PTPRH: variants seen among roughly 807,000 people sequenced by gnomAD.
PTPRH encodes protein tyrosine phosphatase receptor type H, also known as receptor-type tyrosine-protein phosphatase H.
A neutral mutation model predicts 130.2 loss-of-function variants in PTPRH; 113 were observed. The observed-to-expected ratio is 0.87, with a 90% CI of 0.75 to 1.01. The LOEUF (loss-of-function observed/expected upper bound fraction) is 1.01, where lower values mean the gene tolerates loss of function less well. Among genes scored for constraint, PTPRH ranks in the 50% least tolerant of loss-of-function variants. The pLI, the probability that PTPRH is intolerant of heterozygous loss-of-function variation, is 0.00. For synonymous variants in PTPRH, 556 were observed against 577.9 expected (o/e 0.96, Z 0.54); for missense variants, 1,430 against 1,425.0 (o/e 1.00, Z -0.06).
intron 14 of PTPRH, among the ~76,000 whole-genome samples, 192 bp downstream of exon 14, chr19:55,187,321 G>A (rs1304935405): frequency 1.5e-5 from 2 of 129,380 alleles, no homozygotes; most frequent in Non-Finnish European, 3.1e-5. Context: ...CTCCAGCCTG[G>A]GTGACAGAGC....
At chr19:55,186,398 T>C (rs77296713) in intron 15 of PTPRH, 39 bp from the exon 16 acceptor site, 5 of 1,612,164 alleles carry the variant, frequency 3.1e-6, no homozygotes, top group Non-Finnish European at 4.2e-6. Flanking sequence ...GGGCCTTTAG[T>C]TGATCCCCGA....
At chr19:55,186,440 T>G (rs1185738135) in intron 15 of PTPRH, 24 bp downstream of exon 15, 1 of 1,613,942 alleles carries the variant, frequency 6.2e-7, no homozygotes, top group Non-Finnish European at 8.5e-7. Flanking sequence ...CTGGGCACCC[T>G]TTCAATCCCA....
chr19:55,201,686 G>A (rs951076233), intron 6 of PTPRH, among the ~76,000 whole-genome samples: 2 of 152,232 alleles, frequency 1.3e-5, no homozygotes, highest in African/African-American at 4.8e-5. Context: ...CTCAATATGT[G>A]ACACAGTTGG....
intron 10 of PTPRH, among the ~76,000 whole-genome samples, chr19:55,195,778 C>T (rs1034146680): frequency 2.0e-5 from 3 of 152,050 alleles, no homozygotes; most frequent in Admixed American, 6.6e-5. Context: ...ACTCTGTTGC[C>T]CAGACTGGTC....
At position 55,191,901 on chromosome 19, in the gene PTPRH, C is replaced by A. The variant is rs749767917; in HGVS notation, c.2258-160G>T. 1.5e-5 allele frequency: 11 copies of A among 721,398 alleles called. No individual in the cohort carries two copies. The East Asian group carries it at 2.7e-4, about 18-fold the overall frequency. 44.7% of individuals were successfully genotyped at this position (721,398 alleles called of 1,614,324 possible). Reference sequence around the variant, plus strand: ...AATTGCGTCGGTCCAGTTATACTTACGCGCTTACCCATGGATTTTCCTCCA... The same window carrying A: ...AATTGCGTCGGTCCAGTTATACTTAAGCGCTTACCCATGGATTTTCCTCCA... On this transcript the variant is annotated intron_variant, in intron 10 of 19. Transcript: ENST00000376350.
intron 10 of PTPRH, chr19:55,193,871 G>A (rs998419558): frequency 1.1e-5 from 2 of 179,074 alleles, no homozygotes; most frequent in South Asian, 9.6e-5. Flanking sequence ...TTTTTGAGAC[G>A]GAGTTTTGCT....
Position 55,186,559 on chromosome 19 carries a change from A to G in PTPRH, c.2567-19T>C, listed in dbSNP as rs1472507276. On this transcript the variant is annotated intron_variant, in intron 14 of 19. Coordinates refer to ENST00000376350, the MANE Select transcript of PTPRH (RefSeq NM_002842.5). ...CAGTCATCTAGGAGAAGAGGCCAGC[A>G]TTAGCCAGGCAGAGAGACCCAGAGA... 3.7e-6 allele frequency: 6 copies of G among 1,613,606 alleles called. No individual in the cohort carries two copies. Among genetic ancestry groups the G allele is most frequent in the African/African-American group, 1.3e-5 (1 of 74,954 alleles).
In PTPRH at chr19:55,196,651, A is replaced by G. The variant is rs146115875; in HGVS notation, c.2128T>C (p.Ser710Pro). 2.5e-6 allele frequency: 4 copies of G among 1,613,744 alleles called. No individual in the cohort carries two copies. In the African/African-American group the frequency reaches 5.3e-5, roughly 22 times the overall value. Residue 710 changes from serine to proline, a missense_variant, in exon 10 of 20, where the codon TCT becomes CCT. Coordinates refer to ENST00000376350, the MANE Select transcript of PTPRH (RefSeq NM_002842.5). ...ACAGACACAGCCTCCCCACATGAAG[A>G]TCTGTCCTGGGAGCCCCGCTGTCCT... ...VGGQRGSQDR[S>P]SCGEAVSVLG...
intron 18 of PTPRH, among the ~76,000 whole-genome samples, chr19:55,184,221 T>C (rs1194074939): frequency 1.3e-5 from 2 of 151,566 alleles, no homozygotes; most frequent in African/African-American, 4.8e-5. Flanking sequence ...GAGGCAGAGG[T>C]TGCAGTGAGC....
intron 6 of PTPRH, among the ~76,000 whole-genome samples, chr19:55,201,196 C>T (rs1205798304): frequency 6.6e-6 from 1 of 151,938 alleles, no homozygotes; most frequent in African/African-American, 2.4e-5. Flanking sequence ...GCCTGGACCA[C>T]ACAGCAAGAC....
Position 55,197,718 on chromosome 19 carries a change from C to T in PTPRH, c.1691-302G>A, listed in dbSNP as rs192013514. Among the ~76,000 whole-genome samples the T allele has an allele frequency of 4.6e-5, 7 of 152,298 alleles. No individual in the cohort carries two copies. The East Asian group carries it at 5.8e-4, about 13-fold the overall frequency. On this transcript the variant is annotated intron_variant, in intron 8 of 19. Transcript: ENST00000376350. The stretch of plus-strand genomic sequence containing the variant: ...CCATGAGGCTATGGATTCTCTGTAT[C>T]GCTTCAGCTTATGAAGTCATGGCCC...
Position 55,181,662 on chromosome 19 carries a change from G to C in PTPRH, c.*92C>G, listed in dbSNP as rs2086173722. ...CCTCCCACAGCACCCAGGAGTCTGG[G>C]AGCCCAGCCCTCTGCTCTTCCAGGA... On this transcript the variant is annotated 3_prime_UTR_variant, in exon 20 of 20. Transcript: ENST00000376350. 6.5e-7 allele frequency: 1 copy of C among 1,539,206 alleles called. No individual in the cohort carries two copies. The highest frequency in any genetic ancestry group is 1.2e-5 in the South Asian group (1 of 84,188).
In PTPRH at chr19:55,185,888, T is replaced by G; in HGVS notation, c.2875A>C (p.Thr959Pro). ...TGGAGGAGCAGCAGTTCCCGCACCG[T>G]CCAGTTCTCCATCACTTCCTCACCT... is the stretch of plus-strand genomic sequence containing the variant. ...LVGEEVMENW[T>P]VRELLLLQVE... is the part of the protein sequence containing the mutation. Residue 959 changes from threonine to proline, a missense_variant, in exon 17 of 20, where the codon ACG becomes CCG. Thr to Pro is a conservative substitution (Grantham distance 38, BLOSUM62 -1). Coordinates refer to ENST00000376350, the MANE Select transcript of PTPRH (RefSeq NM_002842.5). The G allele has an allele frequency of 6.2e-7, 1 of 1,614,100 alleles. No individual in the cohort carries two copies. Among genetic ancestry groups the G allele is most frequent in the Non-Finnish European group, 8.5e-7 (1 of 1,180,008 alleles).
At chr19:55,193,816 G>A (rs2086609108) in intron 10 of PTPRH, among the ~76,000 whole-genome samples, 1 of 151,820 alleles carries the variant, frequency 6.6e-6, no homozygotes, top group Non-Finnish European at 1.5e-5. Context: ...CGGCAGCGGA[G>A]CCTACCCAGA....
intron 17 of PTPRH, 87 bp downstream of exon 17, chr19:55,185,775 G>A: frequency 1.9e-6 from 3 of 1,604,156 alleles, no homozygotes; most frequent in Non-Finnish European, 2.6e-6. Flanking sequence ...GGAGTGGGTG[G>A]AAGGTTGGAG....
At chr19:55,206,636 C>T (rs1423508665) in intron 3 of PTPRH, 53 bp downstream of exon 3, 1 of 1,509,014 alleles carries the variant, frequency 6.6e-7, no homozygotes, top group East Asian at 2.3e-5. Context: ...TCAACCACCC[C>T]CTACCACTGT....
At chr19:55,189,973 C>T (rs1237516096) in intron 12 of PTPRH, among the ~76,000 whole-genome samples, 1 of 151,380 alleles carries the variant, frequency 6.6e-6, no homozygotes, top group Non-Finnish European at 1.5e-5. Context: ...CAGCCTGGGC[C>T]ACAGAGTGAG....
chr19:55,198,346 T>C (rs2086750296), intron 8 of PTPRH, among the ~76,000 whole-genome samples: 1 of 152,180 alleles, frequency 6.6e-6, no homozygotes, highest in Admixed American at 6.5e-5. Flanking sequence ...CTGTTGGCTA[T>C]TGTCCAGCTG....
chr19:55,203,551 G>A (rs947915162), intron 5 of PTPRH, among the ~76,000 whole-genome samples: 8 of 151,536 alleles, frequency 5.3e-5, no homozygotes, highest in Admixed American at 6.6e-5. Flanking sequence ...GAGTAGGTGG[G>A]ACCACGGGAA....
Sources: gnomAD v4.1 joint callset for allele counts (sites outside exome capture counted in the v4.1 genomes callset) on GRCh38, gnomAD v4.1.1 for gene constraint, MANE v1.5 for transcripts, NCBI Gene and HGNC (gene_info 2026-07-23, HGNC 2026-07-21) for gene names.